Variants in CASK observed in about 807,000 individuals in gnomAD.
CASK encodes peripheral plasma membrane protein CASK.
Under a neutral mutation model 82.9 loss-of-function variants are expected in CASK, and 4 were observed. The observed-to-expected ratio is 0.05, with a 90% CI of 0.02 to 0.11. The LOEUF is 0.11. Ranked by LOEUF, CASK falls within the 10% of genes least tolerant of loss-of-function variation. CASK has a pLI of 1.00. For synonymous variants in CASK, 259 were observed against 253.5 expected (o/e 1.02, Z -0.20); for missense variants, 358 against 720.9 (o/e 0.50, Z 5.76).
chrX:41,706,039 T>G (rs1271992269), intron 5 of CASK, among the ~76,000 whole-genome samples: 1 of 111,922 alleles, frequency 8.9e-6, no homozygotes, highest in East Asian at 2.8e-4. Flanking sequence ...TCCTCTGAAC[T>G]GTCAGAAGAT....
intron 5 of CASK, among the ~76,000 whole-genome samples, chrX:41,710,802 A>G (rs767183055): frequency 2.8e-4 from 31 of 111,311 alleles, no homozygotes; most frequent in African/African-American, 9.1e-4. Context: ...TGAAGGTTAA[A>G]TTAATCTCCA....
rs1441061053 is a variant in CASK, at chrX:41,718,535, G to GTGTCCACTGAAT, written c.429+20848_429+20849insATTCAGTGGACA. 4.5e-3 allele frequency among the ~76,000 whole-genome samples: 510 copies of GTGTCCACTGAAT among 112,327 alleles called. 6 individuals are homozygous for GTGTCCACTGAAT. The highest frequency in any genetic ancestry group is 0.016 in the African/African-American group (494 of 30,978). On this transcript the variant is annotated intron_variant, in intron 5 of 26. Coordinates refer to ENST00000378163, the MANE Select transcript of CASK (RefSeq NM_001367721.1). The stretch of plus-strand genomic sequence containing the variant: ...CTGAATTAGAGGACACACAGCTGGT[G>GTGTCCACTGAAT]TCCACTGAATTGCTTGCTTGCTTGT...
intron 5 of CASK, among the ~76,000 whole-genome samples, chrX:41,705,860 C>T (rs986711644): frequency 4.5e-5 from 5 of 111,399 alleles, no homozygotes; most frequent in Admixed American, 9.5e-5. Context: ...TCCTGTGTGC[C>T]ATTACTTATT....
chrX:41,616,876 T>C (rs1373936545), intron 11 of CASK, among the ~76,000 whole-genome samples: 2 of 112,352 alleles, frequency 1.8e-5, no homozygotes, highest in Admixed American at 1.9e-4. Context: ...CCCAAAGTGT[T>C]GGGATTACTG....
At chrX:41,612,544 G>C (rs2066092219) in intron 11 of CASK, among the ~76,000 whole-genome samples, 1 of 98,287 alleles carries the variant, frequency 1.0e-5, no homozygotes, top group African/African-American at 3.8e-5. Context: ...TCAGCCCCCC[G>C]CCCGGCCAGC....
chrX:41,849,165 AAC>A (rs1247505179), intron 2 of CASK, among the ~76,000 whole-genome samples: 1 of 111,755 alleles, frequency 8.9e-6, no homozygotes, highest in African/African-American at 3.3e-5. Flanking sequence ...CCCAAATAAA[AAC>A]AGTTAATTTT....
chrX:41,879,007 T>G (rs958174914), intron 1 of CASK, among the ~76,000 whole-genome samples: 4 of 111,352 alleles, frequency 3.6e-5, no homozygotes, highest in Non-Finnish European at 7.6e-5. Context: ...TCTTACCTTA[T>G]AGAAATTAAA....
intron 3 of CASK, among the ~76,000 whole-genome samples, chrX:41,747,103 G>T (rs2068699127): frequency 9.0e-6 from 1 of 110,555 alleles, no homozygotes; most frequent in Non-Finnish European, 1.9e-5. Flanking sequence ...ATGAACAGTT[G>T]ATTCTATTAT....
At chrX:41,627,445 G>A (rs1438755015) in intron 9 of CASK, among the ~76,000 whole-genome samples, 2 of 111,702 alleles carry the variant, frequency 1.8e-5, no homozygotes, top group Non-Finnish European at 3.8e-5. Context: ...GGTACAAGTG[G>A]TTTTTGGTTA....
At chrX:41,666,767 T>C (rs776221892) in intron 6 of CASK, among the ~76,000 whole-genome samples, 8 of 111,886 alleles carry the variant, frequency 7.2e-5, no homozygotes, top group African/African-American at 2.0e-4. Context: ...GTGAAAACTA[T>C]TGACTAGAAG....
intron 2 of CASK, among the ~76,000 whole-genome samples, chrX:41,797,495 C>A (rs1449395159): frequency 9.0e-6 from 1 of 111,328 alleles, no homozygotes; most frequent in African/African-American, 3.3e-5. Context: ...TCCATTCCTG[C>A]CAATCCTGCT....
At chrX:41,628,530 C>T (rs184696942) in intron 9 of CASK, among the ~76,000 whole-genome samples, 37 of 111,674 alleles carry the variant, frequency 3.3e-4, no homozygotes, top group African/African-American at 1.2e-3. Context: ...GTCCTGAACT[C>T]CTGCGCTCAA....
rs373011227 is a variant in CASK at position 41,646,282 on chromosome X, A to G, written c.832-9621T>C. On this transcript the variant is annotated intron_variant, in intron 8 of 26. Transcript: ENST00000378163. Reference sequence around the variant, plus strand: ...GGCCCATCTAAAACTTTAATTTAGGAAGACTGTGTTAACTCACATGCAGTA... The same window carrying G: ...GGCCCATCTAAAACTTTAATTTAGGGAGACTGTGTTAACTCACATGCAGTA... Among the ~76,000 whole-genome samples the G allele has an allele frequency of 4.5e-5, 5 of 111,542 alleles. No homozygotes were observed. The East Asian group carries it at 1.4e-3, about 31-fold the overall frequency.
intron 5 of CASK, among the ~76,000 whole-genome samples, chrX:41,680,093 G>A (rs1046585893): frequency 1.1e-4 from 12 of 108,134 alleles, no homozygotes; most frequent in African/African-American, 3.7e-4. Context: ...CCAGCTACTC[G>A]AGAGGCTGAG....
intron 1 of CASK, among the ~76,000 whole-genome samples, chrX:41,869,723 G>A (rs1188393056): frequency 4.0e-5 from 4 of 99,048 alleles, no homozygotes; most frequent in Non-Finnish European, 8.0e-5. Context: ...TGAGGTACAG[G>A]AATTGCTTGA....
At chrX:41,892,353 G>A (rs1027040842) in intron 1 of CASK, among the ~76,000 whole-genome samples, 3 of 106,926 alleles carry the variant, frequency 2.8e-5, no homozygotes, top group Admixed American at 1.0e-4. Context: ...TTTTCTTTTC[G>A]AGACAGAGTC....
Position 41,718,208 on chromosome X carries a change from G to T in CASK, c.429+21176C>A, listed in dbSNP as rs765796874. Among the ~76,000 whole-genome samples the T allele has an allele frequency of 5.6e-4, 63 of 113,495 alleles. 1 individual carries two copies. The highest frequency in any genetic ancestry group is 4.2e-3 in the Admixed American group (46 of 10,862). Reference sequence around the variant, plus strand: ...GTGACACGCCCAGGAGGGCATGGAAGCTCCACGTCCCTCTCTTCTCCCACA... The same window carrying T: ...GTGACACGCCCAGGAGGGCATGGAATCTCCACGTCCCTCTCTTCTCCCACA... On this transcript the variant is annotated intron_variant, in intron 5 of 26. Coordinates refer to ENST00000378163, the MANE Select transcript of CASK (RefSeq NM_001367721.1).
At chrX:41,803,918 C>G (rs1002558033) in intron 2 of CASK, among the ~76,000 whole-genome samples, 1 of 111,793 alleles carries the variant, frequency 8.9e-6, no homozygotes, top group Non-Finnish European at 1.9e-5. Context: ...TTAGGAGAGA[C>G]ACTGCTTTTT....
chrX:41,829,762 C>T (rs1601878076), intron 2 of CASK, among the ~76,000 whole-genome samples: 1 of 34,788 alleles, frequency 2.9e-5, no homozygotes, highest in Non-Finnish European at 5.5e-5. Flanking sequence ...TATATGTCAG[C>T]TTTGGTAGAT....
Sources: allele counts gnomAD v4.1 joint callset (sites outside exome capture counted in the v4.1 genomes callset), GRCh38; gene constraint gnomAD v4.1.1; transcripts MANE v1.5; gene names NCBI Gene and HGNC (gene_info 2026-07-23, HGNC 2026-07-21).